Variants in TRDN observed in about 807,000 individuals in gnomAD.
TRDN encodes triadin, also known as triadin in skeletal muscle.
Under a neutral mutation model 149.7 loss-of-function variants are expected in TRDN, and 161 were observed. That is an observed-to-expected ratio of 1.08 (90% CI 0.95 to 1.23). The LOEUF is 1.23. Among genes scored for constraint, TRDN ranks in the 50% most tolerant of loss-of-function variants. The probability of loss-of-function intolerance (pLI) is 0.00; values close to 1 mark genes in which losing one functional copy is unlikely to be tolerated. For synonymous variants in TRDN, 294 were observed against 250.5 expected, an observed-to-expected ratio of 1.17 and a Z score of -1.64; for missense variants, 896 against 823.5, an observed-to-expected ratio of 1.09 and a Z score of -1.08.
intron 20 of TRDN, among the ~76,000 whole-genome samples, chr6:123,363,193 A>C (rs1780964024): frequency 6.6e-6 from 1 of 152,214 alleles, no homozygotes; most frequent in Non-Finnish European, 1.5e-5. Flanking sequence ...TTAAAAACAA[A>C]AAAAAATACT....
At chr6:123,337,202 C>T (rs1447465711) in intron 22 of TRDN, among the ~76,000 whole-genome samples, 1 of 151,930 alleles carries the variant, frequency 6.6e-6, no homozygotes, top group Non-Finnish European at 1.5e-5. Context: ...GTAGCTTTGC[C>T]ATTTTTGTTG....
At chr6:123,580,410 T>C (rs1183755445) in intron 1 of TRDN, among the ~76,000 whole-genome samples, 1 of 152,204 alleles carries the variant, frequency 6.6e-6, no homozygotes, top group African/African-American at 2.4e-5. Flanking sequence ...AAAAACACTT[T>C]AAGCCTTGAG....
intron 14 of TRDN, among the ~76,000 whole-genome samples, chr6:123,383,751 C>T (rs959853885): frequency 6.6e-6 from 1 of 151,882 alleles, no homozygotes; most frequent in Non-Finnish European, 1.5e-5. Context: ...GAAAATATGC[C>T]AACATACTAA....
chr6:123,243,558 G>A (rs145176165), intron 38 of TRDN, among the ~76,000 whole-genome samples: 390 of 151,854 alleles, frequency 2.6e-3, no homozygotes, highest in African/African-American at 8.9e-3. Flanking sequence ...GATATGAATC[G>A]GAAATTTAAA....
chr6:123,423,236 T>A (rs2114548392), intron 12 of TRDN, among the ~76,000 whole-genome samples: 1 of 152,268 alleles, frequency 6.6e-6, no homozygotes, highest in East Asian at 1.9e-4. Flanking sequence ...ATTTTATTCA[T>A]AAGATAAAAC....
intron 5 of TRDN, among the ~76,000 whole-genome samples, chr6:123,516,580 T>A (rs1310743393): frequency 1.3e-5 from 2 of 152,108 alleles, no homozygotes; most frequent in African/African-American, 4.8e-5. Context: ...GATGAAAATA[T>A]AGAGACATAA....
At chr6:123,582,816 A>G (rs1037026068) in intron 1 of TRDN, among the ~76,000 whole-genome samples, 1 of 151,264 alleles carries the variant, frequency 6.6e-6, no homozygotes, top group African/African-American at 2.4e-5. Context: ...GGGGGATGGT[A>G]TGGAGAGATA....
intron 23 of TRDN, among the ~76,000 whole-genome samples, chr6:123,317,567 C>T (rs560909278): frequency 1.3e-5 from 2 of 152,072 alleles, no homozygotes; most frequent in East Asian, 3.9e-4. Context: ...TATTAATGCA[C>T]TCTGACACTC....
chr6:123,471,291 A>G (rs1777135031), intron 9 of TRDN: 1 of 152,062 alleles, frequency 6.6e-6, no homozygotes, highest in Non-Finnish European at 1.5e-5. Flanking sequence ...AGGGCAGAAA[A>G]TTTTCCATTC....
chr6:123,556,658 CTCTTCT>C lies in TRDN; in HGVS notation c.233-8052_233-8047del, dbSNP rs555252957. On this transcript the variant is annotated intron_variant, in intron 2 of 40. Transcript: ENST00000334268. The stretch of plus-strand genomic sequence containing the variant: ...CTTCCTCTTCTTCTTCTTCCTCTTC[CTCTTCT>C]TCTTCTTTTCTCTCTCACTGTCTCT... 8.1e-4 allele frequency among the ~76,000 whole-genome samples: 121 copies of C among 150,000 alleles called. 1 individual carries two copies. The South Asian group carries it at 0.023, about 28-fold the overall frequency.
chr6:123,347,224 G>A (rs776512722), intron 21 of TRDN, among the ~76,000 whole-genome samples: 6 of 152,034 alleles, frequency 3.9e-5, no homozygotes, highest in Non-Finnish European at 8.8e-5. Context: ...GCAAAATTTT[G>A]CTAAGAGAAT....
intron 1 of TRDN, among the ~76,000 whole-genome samples, chr6:123,578,759 AATG>A (rs1208566526): frequency 1.3e-5 from 2 of 152,124 alleles, no homozygotes; most frequent in Non-Finnish European, 2.9e-5. Flanking sequence ...TGGCCATTTT[AATG>A]ATATTATTTT....
At chr6:123,480,843 C>A (rs1761776496) in intron 9 of TRDN, among the ~76,000 whole-genome samples, 1 of 152,036 alleles carries the variant, frequency 6.6e-6, no homozygotes, top group Non-Finnish European at 1.5e-5. Flanking sequence ...CCTCCTATCT[C>A]CTATCTTTGC....
At position 123,395,247 on chromosome 6, in the gene TRDN, T is replaced by G. The variant is rs570462933; in HGVS notation, c.1052-1570A>C. On this transcript the variant is annotated intron_variant, in intron 12 of 40. Transcript: ENST00000334268. ...TTATATCCTCTTAAATCACTGATCC[T>G]AAACAACCTCATCACACCTAAGATT... Among the ~76,000 whole-genome samples the G allele has an allele frequency of 3.9e-5, 6 of 152,310 alleles. No homozygotes were observed. The South Asian group carries it at 1.2e-3, about 32-fold the overall frequency.
chr6:123,283,985 CATATAT>C (rs57419103), intron 24 of TRDN, among the ~76,000 whole-genome samples: 1 of 57,214 alleles, frequency 1.7e-5, no homozygotes, highest in Non-Finnish European at 3.0e-5. Context: ...CAACATGGCA[CATATAT>C]ATATATATAT....
At chr6:123,509,874 A>G (rs1040592855) in intron 7 of TRDN, 1 of 152,166 alleles carries the variant, frequency 6.6e-6, no homozygotes, top group African/African-American at 2.4e-5. Context: ...TACTCAATGT[A>G]TACTGACTGC....
intron 38 of TRDN, among the ~76,000 whole-genome samples, chr6:123,242,030 T>C (rs1197627660): frequency 2.6e-5 from 4 of 152,202 alleles, no homozygotes; most frequent in Non-Finnish European, 5.9e-5. Flanking sequence ...AAAATAACTA[T>C]GCACACCTAT....
At chr6:123,454,198 G>A (rs1362085934) in intron 10 of TRDN, among the ~76,000 whole-genome samples, 2 of 151,688 alleles carry the variant, frequency 1.3e-5, no homozygotes, top group East Asian at 3.9e-4. Context: ...TCGGATGATG[G>A]GTGCACCAAA....
At position 123,604,187 on chromosome 6, in the gene TRDN, A is replaced by G. The variant is rs112916549; in HGVS notation, c.22+32567T>C. 1.1e-3 allele frequency among the ~76,000 whole-genome samples: 169 copies of G among 152,302 alleles called. 1 individual carries two copies. Among genetic ancestry groups the G allele is most frequent in the African/African-American group, 3.9e-3 (164 of 41,578 alleles). On this transcript the variant is annotated intron_variant, in intron 1 of 40. Coordinates refer to ENST00000334268, the MANE Select transcript of TRDN (RefSeq NM_006073.4). The stretch of plus-strand genomic sequence containing the variant: ...TTAGAGACTGCTGAGGCAGACAGAG[A>G]AGTGAGCCATAATCACAGCACTGTT...
Sources: gnomAD v4.1 joint callset for allele counts (sites outside exome capture counted in the v4.1 genomes callset) on GRCh38, gnomAD v4.1.1 for gene constraint, MANE v1.5 for transcripts, NCBI Gene and HGNC (gene_info 2026-07-23, HGNC 2026-07-21) for gene names.